AMOTL1: variants seen among roughly 807,000 people sequenced by gnomAD.
The protein encoded by AMOTL1 is angiomotin like 1.
Under a neutral mutation model 102.9 loss-of-function variants are expected in AMOTL1, and 45 were observed. That is an observed-to-expected ratio of 0.44 (90% CI 0.34 to 0.56). AMOTL1 has a LOEUF of 0.56. Among genes scored for constraint, AMOTL1 ranks in the 20% least tolerant of loss-of-function variants. The pLI is 0.01. For missense variants in AMOTL1, 1,114 were observed against 1,225.6 expected (o/e 0.91, Z 1.36); for synonymous variants, 481 against 484.7 (o/e 0.99, Z 0.10).
intron 1 of AMOTL1, among the ~76,000 whole-genome samples, chr11:94,710,922 A>G (rs985906448): frequency 6.6e-6 from 1 of 152,170 alleles, no homozygotes; most frequent in South Asian, 2.1e-4. Context: ...AGTGCTCAAT[A>G]TATTATAACT....
rs534346268 is a variant in AMOTL1 at position 94,745,128 on chromosome 11, A to T, written c.136+4140A>T. On this transcript the variant is annotated intron_variant, in intron 3 of 4. Transcript: ENST00000299004. ...CAACATGCAGGTTTGTTACATAGGT[A>T]TACATGTACCATGTTGGTTTGCTGC... Among the ~76,000 whole-genome samples the T allele has an allele frequency of 2.0e-5, 3 of 152,100 alleles. No individual in the cohort carries two copies. In the East Asian group the frequency reaches 5.8e-4, roughly 29 times the overall value.
upstream of AMOTL1, among the ~76,000 whole-genome samples, chr11:94,764,878 A>G (rs1405175308): frequency 2.0e-5 from 3 of 152,206 alleles, no homozygotes; most frequent in African/African-American, 7.2e-5. Context: ...AACCCTTGCA[A>G]TAAGTTTATG....
chr11:94,863,676 C>G (rs1373355829), intron 9 of AMOTL1, among the ~76,000 whole-genome samples: 1 of 152,164 alleles, frequency 6.6e-6, no homozygotes, highest in East Asian at 1.9e-4. Context: ...TCATGTCTTA[C>G]TAATTAAATA....
intron 2 of AMOTL1, among the ~76,000 whole-genome samples, chr11:94,738,752 G>A (rs1565334007): frequency 1.3e-5 from 2 of 152,222 alleles, no homozygotes; most frequent in East Asian, 3.8e-4. Context: ...GGAGGGTCAT[G>A]AGGAGAGTGA....
In AMOTL1 at chr11:94,800,262, G is replaced by C; in HGVS notation, c.1072G>C (p.Asp358His). Residue 358 changes from aspartate to histidine, a missense_variant, in exon 3 of 13, where the codon GAT becomes CAT. Physicochemically the swap from Asp to His is moderately conservative, Grantham distance 81 (BLOSUM62 -1). Coordinates refer to ENST00000433060, the MANE Select transcript of AMOTL1 (RefSeq NM_130847.3). ...CCCTGCTCCTCAGCCTGTGAGAACA[G>C]ATGTGGCCGTCCTGCGGTACCAGCC... ...PYPAPQPVRT[D>H]VAVLRYQPPP... 6.2e-7 allele frequency: 1 copy of C among 1,613,604 alleles called. No individual in the cohort carries two copies. The highest frequency in any genetic ancestry group is 8.5e-7 in the Non-Finnish European group (1 of 1,179,742).
chr11:94,865,085 T>C (rs1223932796), intron 10 of AMOTL1, among the ~76,000 whole-genome samples: 2 of 152,120 alleles, frequency 1.3e-5, no homozygotes, highest in African/African-American at 4.8e-5. Flanking sequence ...GGAAATTGCG[T>C]GTCACCTGCC....
At chr11:94,782,421 T>A (rs1246172012) in intron 1 of AMOTL1, among the ~76,000 whole-genome samples, 1 of 152,194 alleles carries the variant, frequency 6.6e-6, no homozygotes, top group Non-Finnish European at 1.5e-5. Context: ...ACAAATGGGA[T>A]TTTGTTGATA....
intron 6 of AMOTL1, among the ~76,000 whole-genome samples, chr11:94,843,093 C>A (rs1229300443): frequency 6.6e-6 from 1 of 152,146 alleles, no homozygotes; most frequent in Non-Finnish European, 1.5e-5. Context: ...GACCCTTTCC[C>A]CAAATAACAA....
chr11:94,752,845 T>C (rs1348549129), intron 3 of AMOTL1, among the ~76,000 whole-genome samples: 1 of 151,990 alleles, frequency 6.6e-6, no homozygotes, highest in African/African-American at 2.4e-5. Context: ...TTGGGGCCGG[T>C]GGGGTGGGGT....
chr11:94,844,726 G>A (rs1468046298), intron 6 of AMOTL1, among the ~76,000 whole-genome samples: 4 of 152,122 alleles, frequency 2.6e-5, no homozygotes, highest in African/African-American at 9.7e-5. Context: ...AACCCTCATG[G>A]CCTAATCACC....
At chr11:94,790,145 A>G (rs1951259042) in intron 1 of AMOTL1, among the ~76,000 whole-genome samples, 1 of 151,918 alleles carries the variant, frequency 6.6e-6, no homozygotes, top group Admixed American at 6.6e-5. Flanking sequence ...CTTTTCTTTA[A>G]CTCTTACTTG....
intron 3 of AMOTL1, among the ~76,000 whole-genome samples, chr11:94,748,550 G>C (rs941907426): frequency 6.6e-6 from 1 of 152,212 alleles, no homozygotes; most frequent in Non-Finnish European, 1.5e-5. Flanking sequence ...CAAGTTATAG[G>C]AAGCACATCT....
At chr11:94,859,739 G>T (rs745852728) in intron 9 of AMOTL1, 24 bp downstream of exon 9, 1 of 1,572,040 alleles carries the variant, frequency 6.4e-7, no homozygotes, top group East Asian at 2.3e-5. Context: ...AACTCTGGTG[G>T]TCATAAAAGC....
At chr11:94,865,852 A>G (rs1952871682) in intron 10 of AMOTL1, 90 bp from the exon 11 acceptor site, 2 of 1,140,382 alleles carry the variant, frequency 1.8e-6, no homozygotes, top group Non-Finnish European at 2.6e-6. Flanking sequence ...CTAAATTACA[A>G]TTAAAGTCTT....
rs945028705 is a variant in AMOTL1, at chr11:94,799,029, G to C, written c.200-361G>C. 6.6e-6 allele frequency among the ~76,000 whole-genome samples: 1 copy of C among 152,050 alleles called. No individual in the cohort carries two copies. The highest frequency in any genetic ancestry group is 1.9e-4 in the East Asian group (1 of 5,180). ...AGGTATATGGGAGGGCCAAGAAAAG[G>C]TGGTTTCTTTTGGTTTGATTTTGGT... On this transcript the variant is annotated intron_variant, in intron 2 of 12. Coordinates refer to ENST00000433060, the MANE Select transcript of AMOTL1 (RefSeq NM_130847.3). The surrounding 1 kb of genome is among the most constrained non-coding windows in gnomAD (Gnocchi z 4.5).
chr11:94,804,800 C>T (rs1390041959), intron 3 of AMOTL1, among the ~76,000 whole-genome samples: 1 of 152,158 alleles, frequency 6.6e-6, no homozygotes, highest in Non-Finnish European at 1.5e-5. Context: ...TTTTCTAGAA[C>T]TCTGTCTTCA....
intron 9 of AMOTL1, among the ~76,000 whole-genome samples, chr11:94,863,315 G>A (rs990093625): frequency 1.3e-5 from 2 of 152,056 alleles, no homozygotes; most frequent in African/African-American, 4.8e-5. Flanking sequence ...TTTTCAGGCG[G>A]GGCGCGGTGG....
At chr11:94,797,076 T>C (rs1951382827) in intron 2 of AMOTL1, 2 of 942,814 alleles carry the variant, frequency 2.1e-6, no homozygotes, top group South Asian at 9.8e-5. Flanking sequence ...GAATGCCATT[T>C]ATAGGAAGAA....
At chr11:94,770,477 A>T (rs1157831391) in intron 1 of AMOTL1, among the ~76,000 whole-genome samples, 2 of 152,078 alleles carry the variant, frequency 1.3e-5, no homozygotes, top group East Asian at 3.9e-4. Context: ...AGGGATGAGG[A>T]TGTTTAGTTC....
Sources: gnomAD v4.1 joint callset for allele counts (sites outside exome capture counted in the v4.1 genomes callset) on GRCh38, gnomAD v4.1.1 for gene constraint, Gnocchi (gnomAD v3.1) non-coding constraint, MANE v1.5 for transcripts, NCBI Gene and HGNC (gene_info 2026-07-23, HGNC 2026-07-21) for gene names.